The following LAMA2 variants were observed in gnomAD, a reference collection of about 807,000 sequenced individuals.
LAMA2 encodes laminin subunit alpha-2.
Under a neutral mutation model 364.8 loss-of-function variants are expected in LAMA2, and 269 were observed. That is an observed-to-expected ratio of 0.74 (90% CI 0.67 to 0.82). LAMA2 has a LOEUF of 0.82. LAMA2 is among the 40% of genes least tolerant of loss of function. LAMA2 has a pLI of 0.00. For missense variants in LAMA2, 3,807 were observed against 3,873.2 expected, an observed-to-expected ratio of 0.98 and a Z score of 0.45; for synonymous variants, 1,379 against 1,370.6, an observed-to-expected ratio of 1.01 and a Z score of -0.14.
intron 41 of LAMA2, among the ~76,000 whole-genome samples, chr6:129,430,478 A>G (rs1781535063): frequency 6.6e-6 from 1 of 152,192 alleles, no homozygotes; most frequent in Non-Finnish European, 1.5e-5. Context: ...TTGAATATAC[A>G]TCTGTTAAAA....
At chr6:129,337,788 G>C (rs921026441) in intron 29 of LAMA2, among the ~76,000 whole-genome samples, 4 of 151,988 alleles carry the variant, frequency 2.6e-5, no homozygotes, top group African/African-American at 9.7e-5. Context: ...AGAGATACTA[G>C]CACATACCAC....
chr6:129,257,540 T>C (rs1018578892), intron 14 of LAMA2, among the ~76,000 whole-genome samples: 8 of 152,114 alleles, frequency 5.3e-5, no homozygotes, highest in African/African-American at 1.9e-4. Context: ...CAGAACTCTT[T>C]GTTTAAGTTT....
chr6:129,391,473 T>C lies in LAMA2; in HGVS notation c.5072-18T>C, dbSNP rs1159773299. The C allele has an allele frequency of 6.2e-7, 1 of 1,607,600 alleles. No homozygotes were observed. The highest frequency in any genetic ancestry group is 8.5e-7 in the Non-Finnish European group (1 of 1,174,420). On this transcript the variant is annotated intron_variant, in intron 35 of 64. Transcript: ENST00000421865. The stretch of plus-strand genomic sequence containing the variant: ...ATGTTTGTTTACTAATTTACAAAAT[T>C]TGTTTTACCCCCTGCAGCTGTAAAT...
chr6:128,909,190 T>G (rs2114446951), intron 1 of LAMA2, among the ~76,000 whole-genome samples: 1 of 152,174 alleles, frequency 6.6e-6, no homozygotes, highest in African/African-American at 2.4e-5. Context: ...CTGGGTATCC[T>G]TGTTGACTTT....
intron 3 of LAMA2, among the ~76,000 whole-genome samples, chr6:129,087,767 A>T (rs1355043108): frequency 6.6e-6 from 1 of 151,942 alleles, no homozygotes; most frequent in Non-Finnish European, 1.5e-5. Context: ...GTAGAAAAGG[A>T]GTGGTAAAGT....
At chr6:129,036,053 G>A (rs941620072) in intron 1 of LAMA2, among the ~76,000 whole-genome samples, 2 of 152,086 alleles carry the variant, frequency 1.3e-5, no homozygotes, top group African/African-American at 4.8e-5. Flanking sequence ...GGATTGCACT[G>A]AATCTGTAGA....
rs770088527 is a variant in LAMA2 at position 129,516,179 on chromosome 6, G to A, written c.9212-11G>A. On this transcript the variant is annotated splice_polypyrimidine_tract_variant and intron_variant, in intron 64 of 64. Transcript: ENST00000421865. ...TTTCAAAGCTGAGCCCTCTTGCATTGCCTTTTTCAGATGACCTCAAGCAGT... is the reference window on the plus strand; with the variant it reads ...TTTCAAAGCTGAGCCCTCTTGCATTACCTTTTTCAGATGACCTCAAGCAGT... 65 of 1,613,840 alleles carry A rather than the reference G, an allele frequency of 4.0e-5. No homozygotes were observed. The highest frequency in any genetic ancestry group is 4.3e-5 in the Non-Finnish European group (51 of 1,179,930).
chr6:129,032,834 C>A (rs1213426484), intron 1 of LAMA2, among the ~76,000 whole-genome samples: 1 of 151,670 alleles, frequency 6.6e-6, no homozygotes, highest in African/African-American at 2.4e-5. Flanking sequence ...GCAATGGCAT[C>A]AATAACGACT....
chr6:128,951,793 A>C (rs1270163629), intron 1 of LAMA2, among the ~76,000 whole-genome samples: 5 of 152,226 alleles, frequency 3.3e-5, no homozygotes, highest in African/African-American at 2.4e-5. Flanking sequence ...TTGTTTAAAA[A>C]AAACTTTTCT....
At chr6:129,155,115 A>G (rs1188954295) in intron 8 of LAMA2, among the ~76,000 whole-genome samples, 1 of 152,206 alleles carries the variant, frequency 6.6e-6, no homozygotes, top group Non-Finnish European at 1.5e-5. Flanking sequence ...ATTTCTCTGC[A>G]CGAACATATC....
At chr6:128,975,428 C>G (rs749117755) in intron 1 of LAMA2, among the ~76,000 whole-genome samples, 1 of 151,658 alleles carries the variant, frequency 6.6e-6, no homozygotes, top group Non-Finnish European at 1.5e-5. Context: ...GGAGGAGGGC[C>G]CTAAATGAGA....
At chr6:128,998,056 G>A (rs765956353) in intron 1 of LAMA2, among the ~76,000 whole-genome samples, 1 of 152,054 alleles carries the variant, frequency 6.6e-6, no homozygotes. Flanking sequence ...AGATGGGGTG[G>A]GATATGCCAG....
At chr6:129,329,810 C>T (rs560998245) in intron 29 of LAMA2, among the ~76,000 whole-genome samples, 5 of 152,278 alleles carry the variant, frequency 3.3e-5, no homozygotes, top group South Asian at 2.1e-4. Flanking sequence ...GATATTGGTC[C>T]GTGGCCTTTT....
intron 21 of LAMA2, 39 bp downstream of exon 21, chr6:129,297,904 A>G: frequency 6.4e-7 from 1 of 1,562,406 alleles, no homozygotes; most frequent in Non-Finnish European, 8.8e-7. Flanking sequence ...ATTCACTCTG[A>G]TAGTTTTAGG....
chr6:128,928,323 G>A (rs1779226092), intron 1 of LAMA2, among the ~76,000 whole-genome samples: 1 of 152,162 alleles, frequency 6.6e-6, no homozygotes, highest in Admixed American at 6.5e-5. Flanking sequence ...TCACTGCTCT[G>A]GCAGAGTAAG....
chr6:129,220,234 C>T (rs1783731908), intron 12 of LAMA2, among the ~76,000 whole-genome samples: 1 of 151,660 alleles, frequency 6.6e-6, no homozygotes, highest in East Asian at 1.9e-4. Flanking sequence ...TGAATAAATA[C>T]ATGACTTAAT....
chr6:129,337,970 G>A (rs959444277), intron 29 of LAMA2, among the ~76,000 whole-genome samples: 2 of 152,148 alleles, frequency 1.3e-5, no homozygotes, highest in Non-Finnish European at 2.9e-5. Flanking sequence ...TGATTTATGT[G>A]TTGTGTGTTT....
intron 40 of LAMA2, among the ~76,000 whole-genome samples, chr6:129,414,498 A>G (rs9402128): frequency 0.5 from 75,964 of 151,756 alleles, 19,473 homozygotes; most frequent in African/African-American, 0.62. Context: ...TGCCAGATAC[A>G]GATGATGGGA....
intron 8 of LAMA2, among the ~76,000 whole-genome samples, chr6:129,162,879 G>A (rs918629647): frequency 2.6e-5 from 4 of 151,662 alleles, no homozygotes; most frequent in African/African-American, 9.7e-5. Context: ...AGGGGAGAAT[G>A]AAGAGAACTA....
Sources: allele counts gnomAD v4.1 joint callset (sites outside exome capture counted in the v4.1 genomes callset), GRCh38; gene constraint gnomAD v4.1.1; transcripts MANE v1.5; gene names NCBI Gene and HGNC (gene_info 2026-07-23, HGNC 2026-07-21).